The following EBF2 variants were observed in gnomAD, a reference collection of about 807,000 sequenced individuals.
The protein encoded by EBF2 is transcription factor COE2.
Under a neutral mutation model 72.8 loss-of-function variants are expected in EBF2, and 21 were observed. The observed-to-expected ratio is 0.29, with a 90% CI of 0.20 to 0.42. EBF2 has a LOEUF of 0.42. Ranked by LOEUF, EBF2 falls within the 10% of genes least tolerant of loss-of-function variation. EBF2 has a pLI of 1.00. For synonymous variants in EBF2, 299 were observed against 274.2 expected, an observed-to-expected ratio of 1.09 and a Z score of -0.89; for missense variants, 637 against 731.2, an observed-to-expected ratio of 0.87 and a Z score of 1.49.
chr8:25,947,308 T>C (rs1330831990), intron 6 of EBF2, among the ~76,000 whole-genome samples: 4 of 152,222 alleles, frequency 2.6e-5, no homozygotes, highest in African/African-American at 7.2e-5. Flanking sequence ...CCTGCTGACA[T>C]GTAAGATGTG....
intron 6 of EBF2, among the ~76,000 whole-genome samples, chr8:26,009,409 A>G (rs1804941579): frequency 6.6e-6 from 1 of 152,228 alleles, no homozygotes; most frequent in African/African-American, 2.4e-5. Flanking sequence ...CACACATCAT[A>G]ATGACAAATA....
rs375209362 is a variant in EBF2, at chr8:25,846,545, G to T, written c.1697-1905C>A. Among the ~76,000 whole-genome samples, 35 of 152,168 alleles carry T rather than the reference G, an allele frequency of 2.3e-4. 1 individual carries two copies. In the East Asian group the frequency reaches 6.6e-3, roughly 29 times the overall value. ...TCTACAAAAAATACAAAACAGCCCA[G>T]CATGGTGGTACATGCCTATAGTCTT... On this transcript the variant is annotated intron_variant, in intron 15 of 15. Coordinates refer to ENST00000520164, the MANE Select transcript of EBF2 (RefSeq NM_022659.4).
chr8:26,017,280 G>T (rs1332585398), intron 6 of EBF2, among the ~76,000 whole-genome samples: 1 of 152,066 alleles, frequency 6.6e-6, no homozygotes, highest in East Asian at 1.9e-4. Flanking sequence ...AAAGACCCCA[G>T]AAGTTGTGTT....
At chr8:26,034,767 T>C (rs1035224836) in intron 5 of EBF2, among the ~76,000 whole-genome samples, 1 of 152,214 alleles carries the variant, frequency 6.6e-6, no homozygotes, top group Non-Finnish European at 1.5e-5. Flanking sequence ...TTGGAGAATA[T>C]GCCTAAGGAG....
chr8:26,038,652 T>C (rs937086130), intron 5 of EBF2, among the ~76,000 whole-genome samples: 2 of 152,236 alleles, frequency 1.3e-5, no homozygotes, highest in Admixed American at 6.5e-5. Context: ...CTCAGAACTG[T>C]ATTTTCTTTC....
intron 15 of EBF2, among the ~76,000 whole-genome samples, chr8:25,849,173 C>T (rs370758435): frequency 2.8e-4 from 42 of 152,262 alleles, no homozygotes; most frequent in African/African-American, 8.9e-4. Flanking sequence ...ATATAGACCC[C>T]GCTGCTTTCT....
At chr8:25,880,487 A>T (rs760673036) in intron 10 of EBF2, among the ~76,000 whole-genome samples, 2 of 152,330 alleles carry the variant, frequency 1.3e-5, no homozygotes, top group Admixed American at 1.3e-4. Flanking sequence ...TAAGCATTCC[A>T]TCTTTTCTGC....
At position 25,850,575 on chromosome 8, in the gene EBF2, A is replaced by G; in HGVS notation, c.1696+19T>C. The G allele has an allele frequency of 2.6e-6, 4 of 1,530,572 alleles. No homozygotes were observed. The highest frequency in any genetic ancestry group is 3.5e-6 in the Non-Finnish European group (4 of 1,148,444). 94.8% of individuals were successfully genotyped at this position (1,530,572 alleles called of 1,614,324 possible). On this transcript the variant is annotated intron_variant, in intron 15 of 15. Coordinates refer to ENST00000520164, the MANE Select transcript of EBF2 (RefSeq NM_022659.4). ...CCCTATGGTACATTGTGTATCCCCA[A>G]AATAGAACCCTTGCTTACCTCTGAA...
chr8:25,964,201 A>T (rs1181712413), intron 6 of EBF2, among the ~76,000 whole-genome samples: 1 of 149,530 alleles, frequency 6.7e-6, no homozygotes, highest in Non-Finnish European at 1.5e-5. Flanking sequence ...TCAAACAATC[A>T]TTGGATAGGA....
chr8:25,960,972 G>A (rs542919352), intron 6 of EBF2, among the ~76,000 whole-genome samples: 2 of 152,256 alleles, frequency 1.3e-5, no homozygotes, highest in South Asian at 4.1e-4. Flanking sequence ...GTGCATAAAA[G>A]TGTTAAGTAT....
intron 10 of EBF2, among the ~76,000 whole-genome samples, chr8:25,866,906 A>G (rs1802340954): frequency 6.6e-6 from 1 of 152,002 alleles, no homozygotes; most frequent in African/African-American, 2.4e-5. Context: ...CGCTGGGATT[A>G]CAGACATGAG....
At chr8:25,980,284 C>A (rs912357735) in intron 6 of EBF2, among the ~76,000 whole-genome samples, 1 of 152,156 alleles carries the variant, frequency 6.6e-6, no homozygotes, top group Non-Finnish European at 1.5e-5. Flanking sequence ...CAACACGTTT[C>A]CACTGTTGTA....
chr8:25,913,170 C>T (rs1379603148), intron 6 of EBF2, among the ~76,000 whole-genome samples: 2 of 152,056 alleles, frequency 1.3e-5, no homozygotes, highest in African/African-American at 2.4e-5. Flanking sequence ...AGGCCAGGTG[C>T]GGTGGCTCAC....
chr8:25,853,039 TCATATTAGTAGGAAAA>T (rs1802015483), intron 14 of EBF2, among the ~76,000 whole-genome samples: 1 of 152,180 alleles, frequency 6.6e-6, no homozygotes, highest in South Asian at 2.1e-4. Flanking sequence ...AGGTGACATT[TCATATTAGTAGGAAAA>T]TAAATGCATG....
intron 6 of EBF2, among the ~76,000 whole-genome samples, chr8:25,962,157 G>C (rs978496176): frequency 6.6e-6 from 1 of 152,126 alleles, no homozygotes; most frequent in Non-Finnish European, 1.5e-5. Flanking sequence ...TTGAGTTCAT[G>C]TGTTCCTGTG....
intron 6 of EBF2, among the ~76,000 whole-genome samples, chr8:26,027,969 G>A (rs1364923268): frequency 5.9e-5 from 9 of 152,114 alleles, no homozygotes; most frequent in Non-Finnish European, 7.3e-5. Context: ...GGTAGGAGAC[G>A]GGTAGTGGGG....
At chr8:26,023,545 T>C (rs1229969437) in intron 6 of EBF2, among the ~76,000 whole-genome samples, 2 of 152,166 alleles carry the variant, frequency 1.3e-5, no homozygotes, top group African/African-American at 2.4e-5. Flanking sequence ...ATGCTAGTCA[T>C]GGTGAGTTGG....
At chr8:25,969,833 T>G (rs1315249588) in intron 6 of EBF2, among the ~76,000 whole-genome samples, 1 of 152,050 alleles carries the variant, frequency 6.6e-6, no homozygotes, top group African/African-American at 2.4e-5. Flanking sequence ...GCCTCCTGAG[T>G]AACTGAGACT....
chr8:25,980,002 A>C (rs745661153), intron 6 of EBF2, among the ~76,000 whole-genome samples: 8 of 152,216 alleles, frequency 5.3e-5, no homozygotes, highest in Non-Finnish European at 7.3e-5. Context: ...AAGGAAAAAA[A>C]AAGCTTCATT....
Sources: gnomAD v4.1 joint callset for allele counts (sites outside exome capture counted in the v4.1 genomes callset) on GRCh38, gnomAD v4.1.1 for gene constraint, MANE v1.5 for transcripts, NCBI Gene and HGNC (gene_info 2026-07-23, HGNC 2026-07-21) for gene names.